Variants in POTEC observed in about 807,000 individuals in gnomAD.
POTEC encodes the protein POTE ankyrin domain family member C, also known as ANKRD26-like family B member 2.
POTEC carries 35 observed loss-of-function variants against 62.0 expected under a neutral mutation model. The ratio of observed to expected loss-of-function variants is 0.56; its 90% confidence interval spans 0.43 to 0.75. POTEC has a LOEUF of 0.75. POTEC is among the 30% of genes least tolerant of loss of function. The pLI is 0.00. For missense variants in POTEC, 472 were observed against 655.9 expected, an observed-to-expected ratio of 0.72 and a Z score of 3.06; for synonymous variants, 156 against 221.5, an observed-to-expected ratio of 0.70 and a Z score of 2.62.
chr18:14,538,243 A>G lies in POTEC; in HGVS notation c.528T>C (p.Ala176=). ...MNKRDKQKRT[A]LHLASANGNS... ...TTCCATTGGCAGAGGCCAAATGTAGAGCAGTCCTATGAGAGTGAGAAGACT... is the reference window on the plus strand; with the variant it reads ...TTCCATTGGCAGAGGCCAAATGTAGGGCAGTCCTATGAGAGTGAGAAGACT... The change falls in exon 2 of 11, where the codon GCT becomes GCC. Residue 176 remains alanine (A), a synonymous_variant. Coordinates refer to ENST00000358970, the MANE Select transcript of POTEC (RefSeq NM_001137671.2). 6.2e-7 allele frequency: 1 copy of G among 1,608,458 alleles called. No homozygotes were observed. The highest frequency in any genetic ancestry group is 1.1e-5 in the South Asian group (1 of 90,730).
At chr18:14,532,475 G>A (rs1370255012) in intron 5 of POTEC, among the ~76,000 whole-genome samples, 3 of 152,150 alleles carry the variant, frequency 2.0e-5, no homozygotes, top group African/African-American at 7.2e-5. Context: ...ATCTGAATCA[G>A]TAAGGGCATC....
chr18:14,514,222 T>A (rs1388117891), intron 9 of POTEC, among the ~76,000 whole-genome samples: 1 of 151,896 alleles, frequency 6.6e-6, no homozygotes, highest in Non-Finnish European at 1.5e-5. Flanking sequence ...ACAACCTATA[T>A]CCCATGCATG....
chr18:14,515,068 T>C (rs1318310168), intron 9 of POTEC, among the ~76,000 whole-genome samples: 2 of 152,156 alleles, frequency 1.3e-5, no homozygotes, highest in Non-Finnish European at 2.9e-5. Context: ...TACAAATAAA[T>C]GAACATACAT....
intron 4 of POTEC, among the ~76,000 whole-genome samples, chr18:14,533,849 A>C (rs1905611533): frequency 6.6e-6 from 1 of 151,180 alleles, no homozygotes; most frequent in Admixed American, 6.6e-5. Flanking sequence ...TCTTGTGTGA[A>C]TCCAAAGCCT....
intron 3 of POTEC, among the ~76,000 whole-genome samples, chr18:14,537,199 ACAC>A (rs1905752657): frequency 3.4e-5 from 3 of 88,850 alleles, no homozygotes; most frequent in African/African-American, 1.4e-4. Context: ...ACACACACAC[ACAC>A]ACACACACAA....
intron 4 of POTEC, among the ~76,000 whole-genome samples, chr18:14,533,905 T>TG (rs1318142959): frequency 2.0e-5 from 3 of 152,088 alleles, no homozygotes; most frequent in African/African-American, 4.8e-5. Flanking sequence ...CAGCTAGTTT[T>TG]TTTTTTGTTT....
At position 14,511,609 on chromosome 18, in the gene POTEC, A is replaced by C. The variant is rs1414972019; in HGVS notation, c.*289T>G. On this transcript the variant is annotated 3_prime_UTR_variant, in exon 11 of 11. Coordinates refer to ENST00000358970, the MANE Select transcript of POTEC (RefSeq NM_001137671.2). ...TGTTCTCTGGAAAGAAGTCCCTTTCAGCTATCTGACTTTGATCACAATCAT... is the reference window on the plus strand; with the variant it reads ...TGTTCTCTGGAAAGAAGTCCCTTTCCGCTATCTGACTTTGATCACAATCAT... 31 of 513,530 alleles carry C rather than the reference A, an allele frequency of 6.0e-5. No homozygotes were observed. The highest frequency in any genetic ancestry group is 1.1e-4 in the Non-Finnish European group (31 of 290,058). 31.8% of individuals were successfully genotyped at this position (513,530 alleles called of 1,614,324 possible).
rs528235712 is a variant in POTEC, at chr18:14,529,710, C to T, written c.1126+773G>A. 5.9e-5 allele frequency among the ~76,000 whole-genome samples: 9 copies of T among 152,188 alleles called. 1 individual carries two copies. In the South Asian group the frequency reaches 1.9e-3, roughly 32 times the overall value. ...AGAGCATCTTGTTCTAACAAAATTA[C>T]TGTTATCAAGACAATTGACCAGCAG... On this transcript the variant is annotated intron_variant, in intron 6 of 10. Transcript: ENST00000358970.
intron 4 of POTEC, among the ~76,000 whole-genome samples, chr18:14,534,600 A>C (rs1310277961): frequency 2.0e-5 from 3 of 151,972 alleles, no homozygotes; most frequent in Non-Finnish European, 2.9e-5. Flanking sequence ...AAGTAAACTG[A>C]AAGTTAAAGT....
At chr18:14,537,012 CA>C (rs1486138116) in intron 3 of POTEC, among the ~76,000 whole-genome samples, 1 of 151,622 alleles carries the variant, frequency 6.6e-6, no homozygotes, top group African/African-American at 2.4e-5. Context: ...TACATTACCA[CA>C]TATTCACTGC....
At position 14,537,195 on chromosome 18, in the gene POTEC, ACACACACACAC is replaced by A. The variant is rs1567915393; in HGVS notation, c.810+595_810+605del. ...ACAACACACACACACACACACACACACACACACACACACACAAAAAAAAAAAAAAACAAAAA... is the reference window on the plus strand; with the variant it reads ...ACAACACACACACACACACACACACAACACAAAAAAAAAAAAAAACAAAAA... On this transcript the variant is annotated intron_variant, in intron 3 of 10. Coordinates refer to ENST00000358970, the MANE Select transcript of POTEC (RefSeq NM_001137671.2). Among the ~76,000 whole-genome samples, 173 of 82,068 alleles carry A rather than the reference ACACACACACAC, an allele frequency of 2.1e-3. 6 individuals are homozygous for A. The highest frequency in any genetic ancestry group is 0.013 in the African/African-American group (167 of 12,748). The allele number at this position is 82,068 out of a possible 152,430, so 53.8% of individuals were successfully genotyped here.
rs761566288 is a variant in POTEC at position 14,542,861 on chromosome 18, T to C, written c.286A>G (p.Ser96Gly). ...TGACAGCACCACTTGCCCATCTTGC[T>C]CCTGAGCGTCTTCATAAAGGAGTTG... Reference protein sequence around the residue: ...HDNSFMKTLRSKMGKWCCHCF... With the variant: ...HDNSFMKTLRGKMGKWCCHCF... The change falls in exon 1 of 11, where the codon AGC becomes GGC. Residue 96 changes from serine (S) to glycine (G), a missense_variant. By Grantham distance (56) the Ser-to-Gly change is moderately conservative. Around this residue, in one of 5 missense-constraint regions of POTEC, gnomAD observed 257 missense variants for 250.7 expected, o/e 1.03. Coordinates refer to ENST00000358970, the MANE Select transcript of POTEC (RefSeq NM_001137671.2). 17 of 1,307,584 alleles carry C rather than the reference T, an allele frequency of 1.3e-5. No individual in the cohort carries two copies. Among genetic ancestry groups the C allele is most frequent in the Non-Finnish European group, 1.8e-5 (17 of 937,364 alleles). The allele number at this position is 1,307,584 out of a possible 1,614,324, so 81.0% of individuals were successfully genotyped here.
intron 3 of POTEC, among the ~76,000 whole-genome samples, chr18:14,536,566 C>T (rs1459857915): frequency 3.3e-5 from 5 of 151,736 alleles, no homozygotes; most frequent in South Asian, 4.1e-4. Context: ...CATATCCAGG[C>T]TTTATTAGAC....
In POTEC at chr18:14,539,533, G is replaced by T. The variant is rs1358755146; in HGVS notation, c.522-1284C>A. 2.0e-3 allele frequency among the ~76,000 whole-genome samples: 301 copies of T among 147,758 alleles called. 1 individual carries two copies. The highest frequency in any genetic ancestry group is 7.2e-3 in the African/African-American group (285 of 39,484). On this transcript the variant is annotated intron_variant, in intron 1 of 10. Coordinates refer to ENST00000358970, the MANE Select transcript of POTEC (RefSeq NM_001137671.2). ...TATAAGTGAGACCACGCAGTATTTGGTTTTCTCTTCCTATGTTAGTTTGCT... is the reference window on the plus strand; with the variant it reads ...TATAAGTGAGACCACGCAGTATTTGTTTTTCTCTTCCTATGTTAGTTTGCT...
rs1439893697 is a variant in POTEC at position 14,508,927 on chromosome 18, C to T, written c.*2971G>A. 1.3e-5 allele frequency: 2 copies of T among 152,118 alleles called. No individual in the cohort carries two copies. Among genetic ancestry groups the T allele is most frequent in the Non-Finnish European group, 2.9e-5 (2 of 68,040 alleles). 9.4% of individuals were successfully genotyped at this position (152,118 alleles called of 1,614,324 possible). A position where few individuals can be genotyped will look rare whatever the true frequency, so the allele number is the denominator to read the frequency against. On this transcript the variant is annotated 3_prime_UTR_variant, in exon 11 of 11. Coordinates refer to ENST00000358970, the MANE Select transcript of POTEC (RefSeq NM_001137671.2). ...ATTTTTCCTTTATTATATCTGATGA[C>T]CTTGAGGATTTGATTGTGGTGTAAG...
In POTEC at chr18:14,539,955, A is replaced by G. The variant is rs1276714577; in HGVS notation, c.522-1706T>C. 3.9e-5 allele frequency among the ~76,000 whole-genome samples: 6 copies of G among 152,298 alleles called. No homozygotes were observed. In the East Asian group the frequency reaches 1.2e-3, roughly 30 times the overall value. On this transcript the variant is annotated intron_variant, in intron 1 of 10. Coordinates refer to ENST00000358970, the MANE Select transcript of POTEC (RefSeq NM_001137671.2). Reference sequence around the variant, plus strand: ...ATGTTTGATGACTAAACGGATTGAAAGAATGGATAAACATAGGTTGGAAGT... The same window carrying G: ...ATGTTTGATGACTAAACGGATTGAAGGAATGGATAAACATAGGTTGGAAGT...
chr18:14,540,521 A>G (rs1233715952), intron 1 of POTEC, among the ~76,000 whole-genome samples: 3 of 152,174 alleles, frequency 2.0e-5, no homozygotes, highest in African/African-American at 7.2e-5. Context: ...TGATATAGCA[A>G]AGTACATCTT....
At chr18:14,524,798 A>T (rs964594613) in intron 7 of POTEC, 115 bp downstream of exon 7, 6 of 1,098,032 alleles carry the variant, frequency 5.5e-6, no homozygotes, top group Non-Finnish European at 7.3e-6. Context: ...TTAAAAAAAG[A>T]ATCTATTGAT....
At chr18:14,541,628 G>A (rs1185741755) in intron 1 of POTEC, among the ~76,000 whole-genome samples, 2 of 152,164 alleles carry the variant, frequency 1.3e-5, no homozygotes, top group African/African-American at 4.8e-5. Flanking sequence ...CATGGAGTGA[G>A]AGTCTGTCTC....
Sources: gnomAD v4.1 joint callset for allele counts (sites outside exome capture counted in the v4.1 genomes callset) on GRCh38, gnomAD v4.1.1 for gene constraint, gnomAD v4.1.1 regional missense constraint, MANE v1.5 for transcripts, NCBI Gene and HGNC (gene_info 2026-07-23, HGNC 2026-07-21) for gene names.